Variants in RIMS1 observed in about 807,000 individuals in gnomAD.
RIMS1 encodes regulating synaptic membrane exocytosis protein 1.
In RIMS1, 83 loss-of-function variants were observed where a neutral mutation model predicts 214.1. The observed-to-expected ratio is 0.39, with a 90% CI of 0.32 to 0.47. The LOEUF (loss-of-function observed/expected upper bound fraction) is 0.47, where lower values mean the gene tolerates loss of function less well. Ranked by LOEUF, RIMS1 falls within the 20% of genes least tolerant of loss-of-function variation. The pLI is 0.99. For missense variants in RIMS1, 2,050 were observed against 2,161.8 expected (o/e 0.95, Z 1.03); for synonymous variants, 793 against 786.8 (o/e 1.01, Z -0.13).
chr6:72,122,834 A>AT lies in RIMS1; in HGVS notation c.471+22854dup, dbSNP rs1341806107. On this transcript the variant is annotated intron_variant, in intron 4 of 33. Coordinates refer to ENST00000521978, the MANE Select transcript of RIMS1 (RefSeq NM_014989.7). ...GATCAGTGGTGATATCCCCTTTATC[A>AT]TTTTTTATTGCATATATTTGATTCT... Among the ~76,000 whole-genome samples the AT allele has an allele frequency of 1.6e-4, 24 of 151,644 alleles. No individual in the cohort carries two copies. In the East Asian group the frequency reaches 4.5e-3, roughly 28 times the overall value.
chr6:72,116,692 G>C (rs1473957873), intron 4 of RIMS1, among the ~76,000 whole-genome samples: 1 of 151,884 alleles, frequency 6.6e-6, no homozygotes, highest in Non-Finnish European at 1.5e-5. Context: ...TATAGCCATA[G>C]ATAATACAAA....
chr6:72,374,339 T>A (rs934405930), intron 29 of RIMS1, among the ~76,000 whole-genome samples: 2 of 152,236 alleles, frequency 1.3e-5, no homozygotes, highest in East Asian at 3.8e-4. Flanking sequence ...TAGTACCTAT[T>A]CTAACCACAG....
At chr6:72,357,019 A>G (rs1180990478) in intron 29 of RIMS1, among the ~76,000 whole-genome samples, 3 of 152,178 alleles carry the variant, frequency 2.0e-5, no homozygotes, top group African/African-American at 7.2e-5. Flanking sequence ...TATTGCAGCT[A>G]TAGGATCTGT....
At chr6:72,301,732 G>A (rs1303591606) in intron 26 of RIMS1, among the ~76,000 whole-genome samples, 1 of 151,322 alleles carries the variant, frequency 6.6e-6, no homozygotes. Context: ...TATGAGATGA[G>A]GTGCTTAGGT....
chr6:72,123,664 G>C (rs1039325410), intron 4 of RIMS1, among the ~76,000 whole-genome samples: 1 of 151,694 alleles, frequency 6.6e-6, no homozygotes, highest in Non-Finnish European at 1.5e-5. Context: ...TCCTGTATTG[G>C]GTGCATATAT....
chr6:71,952,249 C>G (rs963355086), intron 1 of RIMS1, among the ~76,000 whole-genome samples: 14 of 152,102 alleles, frequency 9.2e-5, no homozygotes, highest in African/African-American at 2.7e-4. Context: ...TCTCTAGTAA[C>G]TCTGTCATTT....
At chr6:72,374,482 T>C (rs533662731) in intron 29 of RIMS1, among the ~76,000 whole-genome samples, 1 of 152,320 alleles carries the variant, frequency 6.6e-6, no homozygotes, top group South Asian at 2.1e-4. Flanking sequence ...CAACCTGCCC[T>C]CAAATTACTA....
intron 2 of RIMS1, among the ~76,000 whole-genome samples, chr6:71,970,846 C>T (rs1357829875): frequency 6.6e-6 from 1 of 152,170 alleles, no homozygotes; most frequent in Admixed American, 6.5e-5. Context: ...GTGAATGGAA[C>T]TCTCCATAGC....
chr6:71,917,348 A>G (rs1778719221), intron 1 of RIMS1, among the ~76,000 whole-genome samples: 1 of 152,200 alleles, frequency 6.6e-6, no homozygotes, highest in Non-Finnish European at 1.5e-5. Context: ...CCCTGAGAAC[A>G]GGATAATTTG....
At chr6:71,962,425 C>T (rs1173008767) in intron 1 of RIMS1, among the ~76,000 whole-genome samples, 1 of 152,244 alleles carries the variant, frequency 6.6e-6, no homozygotes, top group East Asian at 1.9e-4. Flanking sequence ...GAACCTACTG[C>T]ACCTATCTTC....
chr6:72,031,006 G>C (rs1233628573), intron 2 of RIMS1, among the ~76,000 whole-genome samples: 1 of 152,064 alleles, frequency 6.6e-6, no homozygotes, highest in Non-Finnish European at 1.5e-5. Context: ...TCATGTGAAG[G>C]CTTTGAGGTC....
intron 2 of RIMS1, among the ~76,000 whole-genome samples, chr6:72,026,460 C>CT (rs968370106): frequency 1.4e-5 from 2 of 139,774 alleles, no homozygotes; most frequent in African/African-American, 5.3e-5. Context: ...GCACCGCCCC[C>CT]CCCCCCAACT....
At chr6:72,150,816 T>C (rs894792714) in intron 4 of RIMS1, among the ~76,000 whole-genome samples, 4 of 152,208 alleles carry the variant, frequency 2.6e-5, no homozygotes, top group African/African-American at 9.6e-5. Context: ...TTTCCTCAAA[T>C]TGAGGACATC....
rs569640125 is a variant in RIMS1 at position 71,938,858 on chromosome 6, G to A, written c.165-30125G>A. 1.1e-4 allele frequency among the ~76,000 whole-genome samples: 17 copies of A among 152,102 alleles called. No homozygotes were observed. The South Asian group carries it at 2.5e-3, about 22-fold the overall frequency. On this transcript the variant is annotated intron_variant, in intron 1 of 33. Transcript: ENST00000521978. Reference sequence around the variant, plus strand: ...CAAACAGTCCTTTGATCACACCCTCGGTTTGCTCTCCTAAAAAACATCTTT... The same window carrying A: ...CAAACAGTCCTTTGATCACACCCTCAGTTTGCTCTCCTAAAAAACATCTTT...
At chr6:72,297,794 A>ATT (rs2094240513) in intron 26 of RIMS1, among the ~76,000 whole-genome samples, 1 of 152,020 alleles carries the variant, frequency 6.6e-6, no homozygotes, top group African/African-American at 2.4e-5. Context: ...GGCTCTCAAA[A>ATT]CTTTGAAAGA....
intron 28 of RIMS1, among the ~76,000 whole-genome samples, chr6:72,328,843 C>G (rs1188053407): frequency 6.6e-6 from 1 of 151,732 alleles, no homozygotes; most frequent in Non-Finnish European, 1.5e-5. Flanking sequence ...ACTAGATTTT[C>G]TGTCATCTGC....
intron 2 of RIMS1, among the ~76,000 whole-genome samples, chr6:72,070,455 G>A (rs1256865498): frequency 2.0e-5 from 3 of 152,126 alleles, no homozygotes; most frequent in African/African-American, 7.2e-5. Context: ...ATTATATGAT[G>A]AAGTCTATTA....
intron 2 of RIMS1, among the ~76,000 whole-genome samples, chr6:71,981,750 A>G (rs1008245757): frequency 1.3e-5 from 2 of 152,112 alleles, no homozygotes; most frequent in African/African-American, 4.8e-5. Flanking sequence ...GTCGTATGCT[A>G]TCTTGGGATA....
At chr6:71,934,242 T>G (rs1265146789) in intron 1 of RIMS1, among the ~76,000 whole-genome samples, 2 of 152,212 alleles carry the variant, frequency 1.3e-5, no homozygotes, top group African/African-American at 4.8e-5. Flanking sequence ...AACACATAAC[T>G]GTTGTCTTTG....
Sources: gnomAD v4.1 joint callset for allele counts (sites outside exome capture counted in the v4.1 genomes callset) on GRCh38, gnomAD v4.1.1 for gene constraint, MANE v1.5 for transcripts, NCBI Gene and HGNC (gene_info 2026-07-23, HGNC 2026-07-21) for gene names.